SYNE2: variants seen among roughly 807,000 people sequenced by gnomAD.
SYNE2 encodes the protein spectrin repeat containing nuclear envelope protein 2.
In SYNE2, 431 loss-of-function variants were observed where a neutral mutation model predicts 856.3. That is an observed-to-expected ratio of 0.50 (90% CI 0.47 to 0.55). SYNE2 has a LOEUF of 0.55. Ranked by LOEUF, SYNE2 falls within the 20% of genes least tolerant of loss-of-function variation. The pLI is 0.00. For missense variants in SYNE2, 8,129 were observed against 8,023.2 expected (o/e 1.01, Z -0.50); for synonymous variants, 2,923 against 2,872.3 (o/e 1.02, Z -0.56).
chr14:64,024,060 G>T, intron 38 of SYNE2, 197 bp from the exon 39 acceptor site: 1 of 542,542 alleles, frequency 1.8e-6, no homozygotes. Context: ...TACTTTGCTT[G>T]ATGTAATTCC....
At chr14:63,982,939 T>C in intron 17 of SYNE2, 145 bp downstream of exon 17, 1 of 837,136 alleles carries the variant, frequency 1.2e-6, no homozygotes. Context: ...ACATTTTTAT[T>C]ACTTCATAAG....
rs772488450 is a variant in SYNE2, at chr14:64,049,679, CA to C, written c.7450del (p.Thr2484GlnfsTer11). 6.2e-7 allele frequency: 1 copy of C among 1,614,068 alleles called. No individual in the cohort carries two copies. Among genetic ancestry groups the C allele is most frequent in the Admixed American group, 1.7e-5 (1 of 60,016 alleles). The part of the protein sequence containing the change: ...KPLEQTECLN[K>X]TETGALVLHN... The stretch of plus-strand genomic sequence containing the variant: ...CACTGGAACAAACAGAATGTCTTAA[CA>C]AAACAGAAACTGGGGCCTTGGTTCT... On this transcript the variant is annotated frameshift_variant, in exon 47 of 116. Coordinates refer to ENST00000555002, the MANE Select transcript of SYNE2 (RefSeq NM_182914.3). LOFTEE classifies it high-confidence loss of function.
intron 1 of SYNE2, among the ~76,000 whole-genome samples, chr14:63,837,595 A>G (rs67106029): frequency 0.48 from 72,257 of 151,886 alleles, 18,175 homozygotes; most frequent in South Asian, 0.58. Flanking sequence ...GCAACTCCAC[A>G]GTAAAAACAA....
At chr14:63,924,936 GAA>G (rs2153384518) in intron 2 of SYNE2, among the ~76,000 whole-genome samples, 1 of 144,122 alleles carries the variant, frequency 6.9e-6, no homozygotes, top group East Asian at 2.1e-4. Flanking sequence ...ATCTTAGAGA[GAA>G]AGCATTTAGT....
At chr14:64,074,906 T>C (rs1012453303) in intron 53 of SYNE2, among the ~76,000 whole-genome samples, 1 of 151,716 alleles carries the variant, frequency 6.6e-6, no homozygotes, top group Non-Finnish European at 1.5e-5. Context: ...ACATGCTGTC[T>C]AAACAGAACT....
At chr14:64,205,693 TG>T (rs1190794122) in intron 100 of SYNE2, among the ~76,000 whole-genome samples, 1 of 152,188 alleles carries the variant, frequency 6.6e-6, no homozygotes, top group African/African-American at 2.4e-5. Context: ...TATAAGGTAA[TG>T]GGGGTTATTC....
intron 20 of SYNE2, 128 bp from the exon 21 acceptor site, chr14:63,990,814 G>T: frequency 1.2e-6 from 1 of 836,044 alleles, no homozygotes; most frequent in Non-Finnish European, 2.0e-6. Flanking sequence ...AATTTAGATA[G>T]ATTTATCATA....
rs150962759 is a variant in SYNE2 at position 64,091,421 on chromosome 14, C to T, written c.11976+373C>T. Among the ~76,000 whole-genome samples the T allele has an allele frequency of 9.2e-5, 14 of 152,308 alleles. 1 individual carries two copies. The highest frequency in any genetic ancestry group is 3.1e-4 in the African/African-American group (13 of 41,578). On this transcript the variant is annotated intron_variant, in intron 60 of 115. Coordinates refer to ENST00000555002, the MANE Select transcript of SYNE2 (RefSeq NM_182914.3). ...TCAGTGACTCTCCTATTGATTTTCT[C>T]ATTACCAAACGTGATGTAGGTAGAG...
intron 94 of SYNE2, chr14:64,174,031 A>G: frequency 1.6e-6 from 1 of 622,440 alleles, no homozygotes; most frequent in East Asian, 2.8e-5. Context: ...ACTAAAATAT[A>G]GAAAAAAATA....
chr14:64,007,035 T>A lies in SYNE2; in HGVS notation c.4398-8T>A, dbSNP rs373591668. On this transcript the variant is annotated splice_polypyrimidine_tract_variant and splice_region_variant and intron_variant, in intron 30 of 115. Transcript: ENST00000555002. ...GGCTATCAAACTTTTTTCTCATTCA[T>A]AATCAAGGAAAAAATCATTAATCAG... The A allele has an allele frequency of 3.7e-6, 6 of 1,609,860 alleles. No individual in the cohort carries two copies. The African/African-American group carries it at 6.7e-5, about 18-fold the overall frequency.
chr14:64,162,017 T>G (rs1046271447), intron 87 of SYNE2, 55 bp from the exon 88 acceptor site: 1 of 1,602,394 alleles, frequency 6.2e-7, no homozygotes, highest in Non-Finnish European at 8.5e-7. Flanking sequence ...CATTGTACTT[T>G]CGCTACAAGA....
intron 95 of SYNE2, 85 bp downstream of exon 95, chr14:64,175,223 T>G: frequency 6.7e-7 from 1 of 1,498,676 alleles, no homozygotes; most frequent in Non-Finnish European, 9.1e-7. Context: ...GGAAATGGTT[T>G]TAGGAAACTA....
intron 60 of SYNE2, 108 bp downstream of exon 60, chr14:64,091,156 G>A (rs1399722350): frequency 3.9e-6 from 4 of 1,024,860 alleles, no homozygotes; most frequent in African/African-American, 1.6e-5. Flanking sequence ...TATTGTAGGA[G>A]GTGGCATTTG....
chr14:64,146,170 T>A lies in SYNE2; in HGVS notation c.15586T>A (p.Leu5196Ile). The A allele has an allele frequency of 3.7e-6, 6 of 1,612,802 alleles. No homozygotes were observed. Among genetic ancestry groups the A allele is most frequent in the Non-Finnish European group, 5.1e-6 (6 of 1,179,566 alleles). Residue 5196 changes from leucine to isoleucine, a missense_variant, in exon 84 of 116, where the codon TTA becomes ATA. By Grantham distance (5) the Leu-to-Ile change is conservative. Around this residue, in one of 3 missense-constraint regions of SYNE2, gnomAD observed 5,410 missense variants for 5,284.8 expected, o/e 1.02. Transcript: ENST00000555002. ...AGCACAAGAAGAGAGACTGAAAACT[T>A]TACAAAAACCTGAAAGTGTGATCTC... is the stretch of plus-strand genomic sequence containing the variant. ...LEAQEERLKTLQKPESVISVQ... is the reference protein window; with the variant it reads ...LEAQEERLKTIQKPESVISVQ...
intron 42 of SYNE2, among the ~76,000 whole-genome samples, chr14:64,027,118 A>AG (rs34925351): frequency 0.88 from 134,643 of 152,156 alleles, 59,778 homozygotes; most frequent in Non-Finnish European, 0.93. Flanking sequence ...TTTAAGCTAT[A>AG]AAAGCATAAA....
chr14:63,877,789 G>A (rs2094760927), intron 1 of SYNE2, among the ~76,000 whole-genome samples: 1 of 151,568 alleles, frequency 6.6e-6, no homozygotes, highest in African/African-American at 2.4e-5. Context: ...CTTTTTTCCT[G>A]TGTTTCCCTG....
rs1198625735 is a variant in SYNE2, at chr14:64,175,045, T to A, written c.17337T>A (p.Ser5779=). The change falls in exon 95 of 116, where the codon TCT becomes TCA. Residue 5779 remains serine (S), a synonymous_variant. Transcript: ENST00000555002. ...LLTTDLKTKE[S]VGRRISQLQD... is the part of the protein sequence containing the mutation. ...CAACTGACCTGAAAACTAAAGAGTCTGTGGGTAGGAGAATCAGTCAACTTC... is the reference window on the plus strand; with the variant it reads ...CAACTGACCTGAAAACTAAAGAGTCAGTGGGTAGGAGAATCAGTCAACTTC... 1 of 1,614,172 alleles carries A rather than the reference T, an allele frequency of 6.2e-7. No homozygotes were observed. The highest frequency in any genetic ancestry group is 8.5e-7 in the Non-Finnish European group (1 of 1,180,028).
At chr14:63,919,603 G>A (rs2095572585) in intron 2 of SYNE2, among the ~76,000 whole-genome samples, 1 of 152,168 alleles carries the variant, frequency 6.6e-6, no homozygotes, top group African/African-American at 2.4e-5. Flanking sequence ...TAGAGGTCAA[G>A]TGGAAGAGGA....
chr14:63,977,877 G>T, intron 12 of SYNE2, 28 bp from the exon 13 acceptor site: 1 of 1,461,862 alleles, frequency 6.8e-7, no homozygotes, highest in Non-Finnish European at 9.6e-7. Flanking sequence ...AATAAGTATC[G>T]TTTATGTCAT....
Sources: gnomAD v4.1 joint callset for allele counts (sites outside exome capture counted in the v4.1 genomes callset) on GRCh38, gnomAD v4.1.1 for gene constraint, gnomAD v4.1.1 regional missense constraint, MANE v1.5 for transcripts, NCBI Gene and HGNC (gene_info 2026-07-23, HGNC 2026-07-21) for gene names.